The following SEPTIN14 variants were observed in gnomAD, a reference collection of about 807,000 sequenced individuals.
SEPTIN14 encodes septin-14.
Under a neutral mutation model 53.6 loss-of-function variants are expected in SEPTIN14, and 40 were observed. That is an observed-to-expected ratio of 0.75 (90% CI 0.58 to 0.97). The LOEUF (loss-of-function observed/expected upper bound fraction) is 0.97. Ranked by LOEUF, SEPTIN14 falls within the 50% of genes least tolerant of loss-of-function variation. The pLI, the probability that SEPTIN14 is intolerant of heterozygous loss-of-function variation, is 0.00. For missense variants in SEPTIN14, 471 were observed against 508.2 expected (o/e 0.93, Z 0.70); for synonymous variants, 138 against 166.8 (o/e 0.83, Z 1.33).
chr7:55,861,879 T>A (rs1789755406), intron 2 of SEPTIN14, 64 bp downstream of exon 2: 1 of 1,014,508 alleles, frequency 9.9e-7, no homozygotes, highest in Non-Finnish European at 1.4e-6. Flanking sequence ...AAGTCAATAT[T>A]TTTAGGCTAT....
intron 7 of SEPTIN14, among the ~76,000 whole-genome samples, chr7:55,810,032 CCGCGTTAGCCAGGATGGTCTCCAT>C (rs1262000895): frequency 1.1e-4 from 16 of 151,782 alleles, no homozygotes; most frequent in Non-Finnish European, 1.5e-5. Context: ...CAGGGTTTCA[CCGCGTTAGCCAGGATGGTCTCCAT>C]CTCCTGACCT....
intron 6 of SEPTIN14, among the ~76,000 whole-genome samples, chr7:55,824,377 T>TA (rs1788948514): frequency 6.6e-6 from 1 of 152,046 alleles, no homozygotes; most frequent in Non-Finnish European, 1.5e-5. Flanking sequence ...AATTAGCATG[T>TA]AAAAAAGATG....
At chr7:55,821,969 T>A (rs1788903255) in intron 6 of SEPTIN14, among the ~76,000 whole-genome samples, 1 of 152,194 alleles carries the variant, frequency 6.6e-6, no homozygotes, top group Non-Finnish European at 1.5e-5. Flanking sequence ...ACTTCCTACA[T>A]GGCAGCGGCA....
intron 5 of SEPTIN14, among the ~76,000 whole-genome samples, chr7:55,841,221 A>G (rs1392961207): frequency 3.3e-5 from 5 of 152,026 alleles, no homozygotes; most frequent in African/African-American, 9.7e-5. Context: ...TTAGAGATCT[A>G]TTTATTGAAT....
intron 9 of SEPTIN14, among the ~76,000 whole-genome samples, chr7:55,800,527 G>A (rs1410638684): frequency 6.6e-6 from 1 of 152,132 alleles, no homozygotes; most frequent in East Asian, 1.9e-4. Context: ...GGGAGGCTGA[G>A]GCAGGAGAAT....
chr7:55,826,177 G>A (rs1340767394), intron 6 of SEPTIN14, among the ~76,000 whole-genome samples: 2 of 151,576 alleles, frequency 1.3e-5, no homozygotes, highest in Non-Finnish European at 2.9e-5. Flanking sequence ...TTTTTGGGGG[G>A]TGAGAACATG....
chr7:55,802,947 T>C (rs555241436), intron 9 of SEPTIN14, among the ~76,000 whole-genome samples: 10 of 152,092 alleles, frequency 6.6e-5, no homozygotes, highest in East Asian at 1.9e-4. Flanking sequence ...GAACTTTTTT[T>C]TTTTTTTTGA....
intron 2 of SEPTIN14, among the ~76,000 whole-genome samples, chr7:55,849,708 TG>T (rs1295025079): frequency 6.6e-6 from 1 of 152,002 alleles, no homozygotes; most frequent in Non-Finnish European, 1.5e-5. Context: ...ATCGCACCAC[TG>T]CACTCCAGCC....
intron 4 of SEPTIN14, among the ~76,000 whole-genome samples, chr7:55,843,911 G>T (rs1171458267): frequency 6.6e-6 from 1 of 152,168 alleles, no homozygotes; most frequent in South Asian, 2.1e-4. Flanking sequence ...AAGGTAGGAG[G>T]ATCACTTGAG....
In SEPTIN14 at chr7:55,850,624, TAAC is replaced by T. The variant is rs534361342; in HGVS notation, c.55-3990_55-3988del. On this transcript the variant is annotated intron_variant, in intron 2 of 9. Transcript: ENST00000388975. ...AGTAAGTGTGCAAATAAATTTTTCT[TAAC>T]AACTGAAATATTGAAATGGAAGATA... Among the ~76,000 whole-genome samples the T allele has an allele frequency of 7.2e-5, 11 of 152,326 alleles. No homozygotes were observed. The East Asian group carries it at 1.4e-3, about 19-fold the overall frequency.
chr7:55,811,033 C>A, intron 7 of SEPTIN14: 1 of 452,148 alleles, frequency 2.2e-6, no homozygotes, highest in East Asian at 5.3e-5. Flanking sequence ...TGTTTATTTT[C>A]TTCTTCTTCC....
At chr7:55,844,487 G>C in intron 4 of SEPTIN14, 36 bp downstream of exon 4, 1 of 1,263,162 alleles carries the variant, frequency 7.9e-7, no homozygotes, top group Non-Finnish European at 1.1e-6. Context: ...CTTGAAATAA[G>C]AAAACCTTTT....
chr7:55,843,083 A>G lies in SEPTIN14; in HGVS notation c.417T>C (p.Tyr139=). 2 of 1,606,302 alleles carry G rather than the reference A, an allele frequency of 1.2e-6. No individual in the cohort carries two copies. Among genetic ancestry groups the G allele is most frequent in the Non-Finnish European group, 1.7e-6 (2 of 1,177,792 alleles). ...GTTTAATCTTCAGTTCTTCTTGAAGATAGGCCTCAAATTGGGCATCTATGT... is the reference window on the plus strand; with the variant it reads ...GTTTAATCTTCAGTTCTTCTTGAAGGTAGGCCTCAAATTGGGCATCTATGT... ...VDYIDAQFEA[Y]LQEELKIKRS... Residue 139 remains tyrosine (Y), a synonymous_variant, in exon 5 of 10, where the codon TAT becomes TAC. Transcript: ENST00000388975.
chr7:55,829,274 G>A (rs150421837), intron 6 of SEPTIN14, among the ~76,000 whole-genome samples: 3,700 of 151,760 alleles, frequency 0.024, 74 homozygotes, highest in Non-Finnish European at 0.037. Context: ...AGCTACTCAG[G>A]AGGCTGAGGC....
chr7:55,854,826 G>T (rs1789585618), intron 2 of SEPTIN14, among the ~76,000 whole-genome samples: 1 of 152,090 alleles, frequency 6.6e-6, no homozygotes, highest in African/African-American at 2.4e-5. Flanking sequence ...AAATATACAA[G>T]AATCTACAGA....
intron 7 of SEPTIN14, among the ~76,000 whole-genome samples, chr7:55,815,570 T>A (rs1326380056): frequency 3.3e-5 from 5 of 151,110 alleles, no homozygotes; most frequent in Non-Finnish European, 5.9e-5. Flanking sequence ...TGGGTTTTTT[T>A]AAATGCCAAA....
Position 55,811,244 on chromosome 7 carries a change from G to A in SEPTIN14, c.818-3986C>T, listed in dbSNP as rs1046651342. 7.6e-6 allele frequency: 4 copies of A among 525,040 alleles called. No individual in the cohort carries two copies. In the African/African-American group the frequency reaches 7.7e-5, roughly 10 times the overall value. 32.5% of individuals were successfully genotyped at this position (525,040 alleles called of 1,614,324 possible). On this transcript the variant is annotated intron_variant, in intron 7 of 9. Coordinates refer to ENST00000388975, the MANE Select transcript of SEPTIN14 (RefSeq NM_207366.3). ...GTGCCTTGGGGAGCCGCAGGATCTGGATGTTGTAGAGTTTATCCACCTCCT... is the reference window on the plus strand; with the variant it reads ...GTGCCTTGGGGAGCCGCAGGATCTGAATGTTGTAGAGTTTATCCACCTCCT...
rs1269015168 is a variant in SEPTIN14 at position 55,854,782 on chromosome 7, AAG to A, written c.54+7159_54+7160del. On this transcript the variant is annotated intron_variant, in intron 2 of 9. Coordinates refer to ENST00000388975, the MANE Select transcript of SEPTIN14 (RefSeq NM_207366.3). ...GCAAACAAAAAGCATAAATATTCAA[AAG>A]AGTTTGTCATTTTATATTGAAAAAA... Among the ~76,000 whole-genome samples the A allele has an allele frequency of 3.9e-5, 6 of 152,302 alleles. No homozygotes were observed. In the South Asian group the frequency reaches 1.2e-3, roughly 32 times the overall value.
intron 9 of SEPTIN14, among the ~76,000 whole-genome samples, chr7:55,800,835 T>C (rs560464845): frequency 3.4e-4 from 52 of 152,282 alleles, no homozygotes; most frequent in African/African-American, 1.2e-3. Flanking sequence ...CTGAGTATCA[T>C]TGGATTTCTT....
Sources: gnomAD v4.1 joint callset for allele counts (sites outside exome capture counted in the v4.1 genomes callset) on GRCh38, gnomAD v4.1.1 for gene constraint, MANE v1.5 for transcripts, NCBI Gene and HGNC (gene_info 2026-07-23, HGNC 2026-07-21) for gene names.